The following CNTNAP2 variants were observed in gnomAD, a reference collection of about 807,000 sequenced individuals.
CNTNAP2 encodes the protein contactin-associated protein-like 2.
Under a neutral mutation model 155.2 loss-of-function variants are expected in CNTNAP2, and 98 were observed. The observed-to-expected ratio is 0.63, with a 90% confidence interval of 0.54 to 0.75. The LOEUF is 0.75. Among genes scored for constraint, CNTNAP2 ranks in the 30% least tolerant of loss-of-function variants. The pLI is 0.00. For synonymous variants in CNTNAP2, 651 were observed against 631.2 expected (o/e 1.03, Z -0.47); for missense variants, 1,727 against 1,688.1 (o/e 1.02, Z -0.40).
chr7:147,917,695 A>T (rs1488747987), intron 14 of CNTNAP2, among the ~76,000 whole-genome samples: 1 of 152,180 alleles, frequency 6.6e-6, no homozygotes, highest in African/African-American at 2.4e-5. Flanking sequence ...TTCTGTTACC[A>T]AGGAAGAAGA....
intron 15 of CNTNAP2, among the ~76,000 whole-genome samples, chr7:147,982,315 A>AT (rs1801545414): frequency 1.3e-5 from 2 of 151,674 alleles, no homozygotes; most frequent in Non-Finnish European, 2.9e-5. Flanking sequence ...TTAAAAAAAA[A>AT]TCAAATGTTT....
intron 2 of CNTNAP2, among the ~76,000 whole-genome samples, chr7:146,801,044 A>G (rs993761379): frequency 3.2e-4 from 49 of 152,162 alleles, no homozygotes; most frequent in African/African-American, 1.2e-3. Flanking sequence ...AGGCTGGGTA[A>G]TTTATAAAGA....
chr7:147,714,381 C>T (rs541217251), intron 13 of CNTNAP2, among the ~76,000 whole-genome samples: 5 of 151,098 alleles, frequency 3.3e-5, no homozygotes, highest in Non-Finnish European at 7.4e-5. Context: ...TTGGGAGAGG[C>T]AAGGGAAGTA....
At chr7:146,491,587 C>A (rs748975982) in intron 1 of CNTNAP2, among the ~76,000 whole-genome samples, 1 of 152,040 alleles carries the variant, frequency 6.6e-6, no homozygotes, top group African/African-American at 2.4e-5. Context: ...AGGATGCACA[C>A]GAAAGGCTTT....
At chr7:146,932,986 C>G (rs1376475452) in intron 3 of CNTNAP2, among the ~76,000 whole-genome samples, 2 of 152,084 alleles carry the variant, frequency 1.3e-5, no homozygotes, top group East Asian at 3.9e-4. Context: ...TAGGAAGAAT[C>G]AATATCGTGA....
At chr7:148,280,373 G>A (rs1412743737) in intron 21 of CNTNAP2, among the ~76,000 whole-genome samples, 1 of 151,800 alleles carries the variant, frequency 6.6e-6, no homozygotes, top group Non-Finnish European at 1.5e-5. Flanking sequence ...CCTGACTATG[G>A]TGGTGGATGC....
At chr7:146,257,835 C>T (rs370035456) in intron 1 of CNTNAP2, among the ~76,000 whole-genome samples, 44 of 152,088 alleles carry the variant, frequency 2.9e-4, no homozygotes, top group Middle Eastern at 6.8e-3. Flanking sequence ...AATATTCCAA[C>T]GATGTGCTAT....
At chr7:148,060,155 T>C (rs886352700) in intron 15 of CNTNAP2, among the ~76,000 whole-genome samples, 1 of 152,334 alleles carries the variant, frequency 6.6e-6, no homozygotes, top group South Asian at 2.1e-4. Flanking sequence ...TGGGAAAATT[T>C]ACTTATTTTG....
chr7:147,945,395 T>TA (rs1800800292), intron 14 of CNTNAP2, among the ~76,000 whole-genome samples: 1 of 152,196 alleles, frequency 6.6e-6, no homozygotes, highest in Non-Finnish European at 1.5e-5. Context: ...TTTTCAAGTC[T>TA]AAAATGCAAT....
chr7:147,102,840 T>C (rs1418263258), intron 4 of CNTNAP2, among the ~76,000 whole-genome samples: 2 of 152,128 alleles, frequency 1.3e-5, no homozygotes, highest in Non-Finnish European at 2.9e-5. Context: ...AATGTGTAGA[T>C]GGAATGAGAT....
intron 1 of CNTNAP2, among the ~76,000 whole-genome samples, chr7:146,191,603 C>T (rs566769840): frequency 7.2e-5 from 11 of 152,146 alleles, no homozygotes; most frequent in East Asian, 5.8e-4. Context: ...TATCTTCAAC[C>T]GTATCAACCG....
chr7:146,679,645 G>A (rs762973960), intron 1 of CNTNAP2, among the ~76,000 whole-genome samples: 29 of 152,184 alleles, frequency 1.9e-4, no homozygotes, highest in Non-Finnish European at 3.5e-4. Flanking sequence ...GTGAGCCACC[G>A]TGCCCGGCTG....
At chr7:146,774,240 GTCTC>G (rs763855119) in intron 1 of CNTNAP2, 27 bp from the exon 2 acceptor site, 6 of 1,517,226 alleles carry the variant, frequency 4.0e-6, no homozygotes, top group Non-Finnish European at 1.8e-6. Flanking sequence ...GTTGTTGAGT[GTCTC>G]TCTCCCTCTC....
intron 4 of CNTNAP2, among the ~76,000 whole-genome samples, chr7:147,066,881 A>G (rs1337767014): frequency 6.6e-6 from 1 of 152,210 alleles, no homozygotes; most frequent in African/African-American, 2.4e-5. Context: ...GAAATCTAAG[A>G]TCAGGGTGCT....
At chr7:146,355,782 G>C (rs895542067) in intron 1 of CNTNAP2, among the ~76,000 whole-genome samples, 9 of 151,990 alleles carry the variant, frequency 5.9e-5, no homozygotes, top group Admixed American at 2.0e-4. Flanking sequence ...TGGATGTGTT[G>C]GTGGGTATAG....
At chr7:147,542,745 A>G (rs1314155621) in intron 11 of CNTNAP2, among the ~76,000 whole-genome samples, 3 of 152,324 alleles carry the variant, frequency 2.0e-5, no homozygotes, top group Non-Finnish European at 4.4e-5. Context: ...ATTTGTGTTT[A>G]GTGACAATAT....
At chr7:146,736,055 C>A (rs939927482) in intron 1 of CNTNAP2, among the ~76,000 whole-genome samples, 11 of 151,590 alleles carry the variant, frequency 7.3e-5, no homozygotes, top group Admixed American at 2.6e-4. Flanking sequence ...AATTACAAGC[C>A]AAAATAAAAA....
At chr7:146,888,900 TAA>T (rs1406357915) in intron 3 of CNTNAP2, among the ~76,000 whole-genome samples, 5 of 152,062 alleles carry the variant, frequency 3.3e-5, no homozygotes, top group African/African-American at 1.2e-4. Flanking sequence ...GCAAGGTAAA[TAA>T]GTCCTGGAGA....
At chr7:147,345,104 C>T (rs10276770) in intron 9 of CNTNAP2, among the ~76,000 whole-genome samples, 32,260 of 151,936 alleles carry the variant, frequency 0.21, 4,171 homozygotes, top group African/African-American at 0.36. Flanking sequence ...TGAGCCAGTA[C>T]TCATAATGCA....
Sources: gnomAD v4.1 joint callset for allele counts (sites outside exome capture counted in the v4.1 genomes callset) on GRCh38, gnomAD v4.1.1 for gene constraint, MANE v1.5 for transcripts, NCBI Gene and HGNC (gene_info 2026-07-23, HGNC 2026-07-21) for gene names.